Variants in MAGI2 observed in about 807,000 individuals in gnomAD.
MAGI2 encodes the protein membrane-associated guanylate kinase, WW and PDZ domain-containing protein 2.
MAGI2 carries 35 observed loss-of-function variants against 133.3 expected under a neutral mutation model. That is an observed-to-expected ratio of 0.26 (90% CI 0.20 to 0.35). The LOEUF (loss-of-function observed/expected upper bound fraction) is 0.35, where lower values mean the gene tolerates loss of function less well. Among genes scored for constraint, MAGI2 ranks in the 10% least tolerant of loss-of-function variants. MAGI2 has a pLI of 1.00. For synonymous variants in MAGI2, 729 were observed against 710.6 expected, an observed-to-expected ratio of 1.03 and a Z score of -0.41; for missense variants, 1,636 against 1,863.4, an observed-to-expected ratio of 0.88 and a Z score of 2.25.
At chr7:78,525,230 T>C (rs140011534) in intron 3 of MAGI2, among the ~76,000 whole-genome samples, 151 of 152,254 alleles carry the variant, frequency 9.9e-4, no homozygotes, top group African/African-American at 3.4e-3. Context: ...TTGGCAATAA[T>C]AGCAATATAA....
chr7:78,472,649 T>C (rs1766733140), intron 6 of MAGI2, among the ~76,000 whole-genome samples: 1 of 152,168 alleles, frequency 6.6e-6, no homozygotes, highest in South Asian at 2.1e-4. Context: ...GTAACTGCAA[T>C]ATCATTCCTC....
At chr7:79,436,327 G>C (rs1005802537) in intron 1 of MAGI2, among the ~76,000 whole-genome samples, 1 of 151,492 alleles carries the variant, frequency 6.6e-6, no homozygotes, top group African/African-American at 2.4e-5. Context: ...AAAGGCAATC[G>C]CAACAAAAAC....
chr7:78,967,141 C>G (rs1803386413), intron 2 of MAGI2, among the ~76,000 whole-genome samples: 1 of 151,718 alleles, frequency 6.6e-6, no homozygotes, highest in Non-Finnish European at 1.5e-5. Context: ...CAAAATATTC[C>G]ATGTTGCCCA....
chr7:78,150,847 A>G (rs1398203431), intron 16 of MAGI2, among the ~76,000 whole-genome samples: 2 of 152,180 alleles, frequency 1.3e-5, no homozygotes, highest in Non-Finnish European at 2.9e-5. Context: ...TGCATTGTGA[A>G]CACACAGATT....
intron 11 of MAGI2, among the ~76,000 whole-genome samples, chr7:78,197,320 A>G (rs573520828): frequency 1.1e-4 from 17 of 152,326 alleles, no homozygotes; most frequent in South Asian, 2.1e-4. Flanking sequence ...TTCAAATATA[A>G]GATACTAAAT....
intron 1 of MAGI2, among the ~76,000 whole-genome samples, chr7:79,369,842 T>C (rs1463379482): frequency 6.8e-6 from 1 of 147,526 alleles, no homozygotes; most frequent in Admixed American, 6.9e-5. Flanking sequence ...TAAATAAAGA[T>C]GAAAAAACAT....
chr7:78,467,466 T>C (rs564305848), intron 6 of MAGI2, among the ~76,000 whole-genome samples: 2 of 152,040 alleles, frequency 1.3e-5, no homozygotes, highest in Non-Finnish European at 2.9e-5. Context: ...TCAGTAGTAC[T>C]GGGAGTTAAA....
At chr7:79,059,239 G>C (rs1813480103) in intron 1 of MAGI2, among the ~76,000 whole-genome samples, 1 of 151,764 alleles carries the variant, frequency 6.6e-6, no homozygotes, top group South Asian at 2.1e-4. Flanking sequence ...TATTTTTAAT[G>C]ATTTTTTAAT....
At chr7:78,103,121 C>T (rs1288706940) in intron 20 of MAGI2, among the ~76,000 whole-genome samples, 2 of 152,178 alleles carry the variant, frequency 1.3e-5, no homozygotes, top group Non-Finnish European at 2.9e-5. Context: ...TAGGGAATCT[C>T]CTCAAGACAA....
intron 3 of MAGI2, among the ~76,000 whole-genome samples, chr7:78,573,368 ATATATATATATATATAT>A (rs1801916680): frequency 2.3e-4 from 2 of 8,676 alleles, no homozygotes; most frequent in African/African-American, 4.6e-4. Context: ...TCCTGGAAAT[ATATATATATATATATAT>A]ATATATATAT....
intron 10 of MAGI2, among the ~76,000 whole-genome samples, chr7:78,229,174 C>T (rs1050424857): frequency 6.6e-6 from 1 of 152,246 alleles, no homozygotes; most frequent in South Asian, 2.1e-4. Context: ...TAACTGGGGA[C>T]TCTAACTGCC....
chr7:79,121,123 A>T (rs778972322), intron 1 of MAGI2, among the ~76,000 whole-genome samples: 33 of 152,286 alleles, frequency 2.2e-4, no homozygotes, highest in South Asian at 6.2e-4. Flanking sequence ...CAGGCTAATA[A>T]GGGAGTAAAA....
intron 9 of MAGI2, among the ~76,000 whole-genome samples, chr7:78,310,132 A>G (rs565892896): frequency 1.3e-5 from 2 of 152,266 alleles, no homozygotes; most frequent in East Asian, 3.9e-4. Flanking sequence ...CATTTTCAAT[A>G]TATATTTTAA....
rs559277329 is a variant in MAGI2, at chr7:78,881,024, A to G, written c.418+126066T>C. On this transcript the variant is annotated intron_variant, in intron 2 of 21. Transcript: ENST00000354212. Reference sequence around the variant, plus strand: ...TTCAATTCAACAAGAAAACTTAACTATCCTAAATATATATGCACCCAACAT... The same window carrying G: ...TTCAATTCAACAAGAAAACTTAACTGTCCTAAATATATATGCACCCAACAT... Among the ~76,000 whole-genome samples, 4 of 152,318 alleles carry G rather than the reference A, an allele frequency of 2.6e-5. No homozygotes were observed. The East Asian group carries it at 7.7e-4, about 29-fold the overall frequency.
In MAGI2 at chr7:78,360,815, C is replaced by T. The variant is rs376945450; in HGVS notation, c.1103+8341G>A. On this transcript the variant is annotated intron_variant, in intron 7 of 21. Coordinates refer to ENST00000354212, the MANE Select transcript of MAGI2 (RefSeq NM_012301.4). ...TTCCCCAAGTTCAGACTGTCTTCCC[C>T]GCCTTCACAAGGCCATTCTCGAGTT... 2.7e-3 allele frequency among the ~76,000 whole-genome samples: 416 copies of T among 152,288 alleles called. 2 individuals carry two copies. The highest frequency in any genetic ancestry group is 4.4e-3 in the Non-Finnish European group (301 of 68,008).
intron 2 of MAGI2, among the ~76,000 whole-genome samples, chr7:78,866,343 T>A (rs1465673814): frequency 1.3e-5 from 2 of 152,012 alleles, no homozygotes; most frequent in African/African-American, 4.8e-5. Context: ...GAGACACTTG[T>A]GAAAGTGAGT....
chr7:79,294,238 G>A (rs1836735054), intron 1 of MAGI2, among the ~76,000 whole-genome samples: 1 of 151,596 alleles, frequency 6.6e-6, no homozygotes. Flanking sequence ...GATGTTGTAG[G>A]ACTTTCTCCT....
intron 1 of MAGI2, among the ~76,000 whole-genome samples, chr7:79,335,727 A>C (rs1055954500): frequency 2.6e-5 from 4 of 152,056 alleles, no homozygotes; most frequent in African/African-American, 9.7e-5. Flanking sequence ...GGTAGAAATG[A>C]AAAAATTTGA....
At chr7:78,260,620 A>G (rs764879906) in intron 9 of MAGI2, among the ~76,000 whole-genome samples, 1 of 152,184 alleles carries the variant, frequency 6.6e-6, no homozygotes, top group Non-Finnish European at 1.5e-5. Context: ...TTTCATTACT[A>G]CATTGCTGGA....
Sources: gnomAD v4.1 joint callset for allele counts (sites outside exome capture counted in the v4.1 genomes callset) on GRCh38, gnomAD v4.1.1 for gene constraint, MANE v1.5 for transcripts, NCBI Gene and HGNC (gene_info 2026-07-23, HGNC 2026-07-21) for gene names.